NOX4: variants seen among roughly 807,000 people sequenced by gnomAD.
The protein encoded by NOX4 is NADPH oxidase 4, also known as kidney oxidase-1.
NOX4 carries 69 observed loss-of-function variants against 87.6 expected under a neutral mutation model. The observed-to-expected ratio is 0.79, with a 90% CI of 0.65 to 0.96. The LOEUF (loss-of-function observed/expected upper bound fraction) is 0.96. Ranked by LOEUF, NOX4 falls within the 40% of genes least tolerant of loss-of-function variation. The probability of loss-of-function intolerance (pLI) is 0.00; values close to 1 mark genes in which losing one functional copy is unlikely to be tolerated. For missense variants in NOX4, 680 were observed against 681.5 expected (o/e 1.00, Z 0.02); for synonymous variants, 275 against 238.2 (o/e 1.15, Z -1.42).
intron 11 of NOX4, among the ~76,000 whole-genome samples, chr11:89,393,416 T>C (rs1941260607): frequency 6.6e-6 from 1 of 151,924 alleles, no homozygotes; most frequent in Admixed American, 6.6e-5. Flanking sequence ...CCTAAAACTT[T>C]CTGCCTATTG....
At chr11:89,369,241 G>C (rs546002477) in intron 12 of NOX4, among the ~76,000 whole-genome samples, 1 of 151,954 alleles carries the variant, frequency 6.6e-6, no homozygotes, top group Non-Finnish European at 1.5e-5. Flanking sequence ...GCCAAATTGA[G>C]GATGGTGAAA....
the NOX4 span, among the ~76,000 whole-genome samples, chr11:89,574,453 G>A: frequency 1.3e-5 from 2 of 152,120 alleles, no homozygotes; most frequent in African/African-American, 2.4e-5. Context: ...TTTCTTCCAG[G>A]TATTGAAGCC....
chr11:89,449,101 C>T (rs533429750), intron 4 of NOX4, among the ~76,000 whole-genome samples: 1 of 151,998 alleles, frequency 6.6e-6, no homozygotes, highest in Non-Finnish European at 1.5e-5. Context: ...TGTAGACAAC[C>T]CTTTTCAAAA....
intron 8 of NOX4, among the ~76,000 whole-genome samples, chr11:89,421,522 CATT>C (rs762471861): frequency 2.0e-5 from 3 of 151,944 alleles, no homozygotes; most frequent in Non-Finnish European, 4.4e-5. Context: ...CTGGAAATTC[CATT>C]ATTATAAATC....
At chr11:89,493,897 G>T (rs1159160775), upstream of NOX4, among the ~76,000 whole-genome samples, 1 of 152,026 alleles carries the variant, frequency 6.6e-6, no homozygotes, top group African/African-American at 2.4e-5. Context: ...TGGGATCACA[G>T]GCATGTGCCA....
chr11:89,330,858 A>G (rs1438754094), intron 17 of NOX4, among the ~76,000 whole-genome samples: 1 of 152,040 alleles, frequency 6.6e-6, no homozygotes, highest in Non-Finnish European at 1.5e-5. Flanking sequence ...TAAAGCAAAC[A>G]CTGATGGAAC....
At chr11:89,408,460 TCTA>T (rs1664904288) in intron 8 of NOX4, among the ~76,000 whole-genome samples, 1 of 152,166 alleles carries the variant, frequency 6.6e-6, no homozygotes, top group African/African-American at 2.4e-5. Context: ...GAGAGTAAAG[TCTA>T]CTTGCTAGGT....
the NOX4 span, among the ~76,000 whole-genome samples, chr11:89,554,041 C>T: frequency 6.6e-6 from 1 of 151,572 alleles, no homozygotes; most frequent in Non-Finnish European, 1.5e-5. Context: ...GAAAGATATT[C>T]CTGGATGATT....
chr11:89,573,958 G>A, the NOX4 span, among the ~76,000 whole-genome samples: 2 of 152,120 alleles, frequency 1.3e-5, no homozygotes, highest in Non-Finnish European at 2.9e-5. Flanking sequence ...TTCCGGTGGA[G>A]TCGCCCCAGA....
At chr11:89,412,239 C>G (rs1389126856) in intron 8 of NOX4, among the ~76,000 whole-genome samples, 1 of 152,116 alleles carries the variant, frequency 6.6e-6, no homozygotes, top group African/African-American at 2.4e-5. Context: ...CAACATTCCA[C>G]TTTTAGCATT....
chr11:89,353,373 C>A (rs1481696430), intron 13 of NOX4, among the ~76,000 whole-genome samples: 1 of 152,166 alleles, frequency 6.6e-6, no homozygotes, highest in Non-Finnish European at 1.5e-5. Flanking sequence ...CCTTCCTAAT[C>A]AGTCAGCAAC....
At chr11:89,385,157 C>A (rs1381706321) in intron 11 of NOX4, among the ~76,000 whole-genome samples, 1 of 152,122 alleles carries the variant, frequency 6.6e-6, no homozygotes, top group Non-Finnish European at 1.5e-5. Flanking sequence ...TCTAAATATG[C>A]CTTCCATATC....
At chr11:89,516,918 C>T in the NOX4 span, among the ~76,000 whole-genome samples, 1 of 152,014 alleles carries the variant, frequency 6.6e-6, no homozygotes, top group Non-Finnish European at 1.5e-5. Flanking sequence ...GCCCTTTCAG[C>T]TACAGTTTTT....
the NOX4 span, among the ~76,000 whole-genome samples, chr11:89,543,447 T>C: frequency 6.6e-6 from 1 of 152,094 alleles, no homozygotes; most frequent in African/African-American, 2.4e-5. Flanking sequence ...TTTACAGATT[T>C]AACATGGCTA....
chr11:89,415,300 T>C (rs3862354), intron 8 of NOX4, among the ~76,000 whole-genome samples: 52,213 of 151,912 alleles, frequency 0.34, 9,314 homozygotes, highest in East Asian at 0.56. Context: ...AAGTTGTTCA[T>C]TATATTTGTC....
intron 12 of NOX4, among the ~76,000 whole-genome samples, chr11:89,365,185 C>T (rs1272587277): frequency 6.6e-6 from 1 of 152,056 alleles, no homozygotes; most frequent in Non-Finnish European, 1.5e-5. Flanking sequence ...TGCAGTATTA[C>T]ACAAAGGAAG....
At chr11:89,479,023 A>AT (rs1555047860) in intron 2 of NOX4, among the ~76,000 whole-genome samples, 1 of 151,872 alleles carries the variant, frequency 6.6e-6, no homozygotes, top group African/African-American at 2.4e-5. Flanking sequence ...AAAAAAAAAA[A>AT]TGAAATGTGG....
Position 89,438,632 on chromosome 11 carries a change from C to G in NOX4, c.475+2056G>C, listed in dbSNP as rs868097024. ...TATAATATATAGTATATATTATATA[C>G]TATATATAATACTCTATATAATATA... is the stretch of plus-strand genomic sequence containing the variant. On this transcript the variant is annotated intron_variant, in intron 6 of 17. Coordinates refer to ENST00000263317, the MANE Select transcript of NOX4 (RefSeq NM_016931.5). Among the ~76,000 whole-genome samples, 6 of 77,318 alleles carry G rather than the reference C, an allele frequency of 7.8e-5. 1 individual carries two copies. Among genetic ancestry groups the G allele is most frequent in the African/African-American group, 2.6e-4 (5 of 19,010 alleles). The allele number at this position is 77,318 out of a possible 152,430, so 50.7% of individuals were successfully genotyped here.
intron 6 of NOX4, among the ~76,000 whole-genome samples, chr11:89,438,831 T>C (rs1430305046): frequency 3.3e-5 from 1 of 30,266 alleles, no homozygotes; most frequent in Non-Finnish European, 4.4e-5. Context: ...TATAATATCT[T>C]ATATATTATA....
Sources: allele counts gnomAD v4.1 joint callset (sites outside exome capture counted in the v4.1 genomes callset), GRCh38; gene constraint gnomAD v4.1.1; transcripts MANE v1.5; gene names NCBI Gene and HGNC (gene_info 2026-07-23, HGNC 2026-07-21).